LARS2: variants seen among roughly 807,000 people sequenced by gnomAD.
The protein encoded by LARS2 is leucyl-tRNA synthetase 2, mitochondrial.
In LARS2, 81 loss-of-function variants were observed where a neutral mutation model predicts 116.6. The ratio of observed to expected loss-of-function variants is 0.69; its 90% CI spans 0.58 to 0.84. The LOEUF (loss-of-function observed/expected upper bound fraction) is 0.84, where lower values mean the gene tolerates loss of function less well. Ranked by LOEUF, LARS2 falls within the 40% of genes least tolerant of loss-of-function variation. The probability of loss-of-function intolerance (pLI) is 0.00; values close to 1 mark genes in which losing one functional copy is unlikely to be tolerated. For synonymous variants in LARS2, 396 were observed against 407.2 expected (o/e 0.97, Z 0.33); for missense variants, 968 against 1,114.5 (o/e 0.87, Z 1.87).
At chr3:45,408,662 G>C (rs1698274423) in intron 4 of LARS2, among the ~76,000 whole-genome samples, 1 of 152,200 alleles carries the variant, frequency 6.6e-6, no homozygotes, top group Non-Finnish European at 1.5e-5. Flanking sequence ...CATCTGGGCA[G>C]TCCAGCCTGT....
intron 6 of LARS2, among the ~76,000 whole-genome samples, chr3:45,435,973 C>T (rs888858952): frequency 7.9e-5 from 12 of 152,168 alleles, no homozygotes; most frequent in African/African-American, 2.9e-4. Context: ...CTGTGCTTTC[C>T]TAACCCTTCT....
At chr3:45,484,630 A>ATATATGTATAT (rs1313520791) in intron 10 of LARS2, among the ~76,000 whole-genome samples, 1 of 9,738 alleles carries the variant, frequency 1.0e-4, no homozygotes. Flanking sequence ...AAAAAAAAAA[A>ATATATGTATAT]ATATATATAT....
intron 4 of LARS2, among the ~76,000 whole-genome samples, chr3:45,412,746 GC>G (rs1575236821): frequency 6.6e-6 from 1 of 152,304 alleles, no homozygotes; most frequent in East Asian, 1.9e-4. Flanking sequence ...CTCCCCTGGG[GC>G]AACAGCAAGC....
intron 6 of LARS2, among the ~76,000 whole-genome samples, chr3:45,431,316 T>C (rs1698709625): frequency 6.6e-6 from 1 of 152,248 alleles, no homozygotes; most frequent in Non-Finnish European, 1.5e-5. Context: ...CGCTTGTACC[T>C]CTACTTTTTG....
chr3:45,406,250 G>A (rs1404785766), intron 4 of LARS2, among the ~76,000 whole-genome samples: 2 of 152,156 alleles, frequency 1.3e-5, no homozygotes, highest in Admixed American at 6.5e-5. Context: ...ATTTCTCTGT[G>A]TGTCCATGAT....
intron 7 of LARS2, among the ~76,000 whole-genome samples, chr3:45,456,588 AAAG>A (rs1049664712): frequency 5.9e-5 from 9 of 152,340 alleles, no homozygotes; most frequent in African/African-American, 2.2e-4. Context: ...GTCTCAAAAA[AAAG>A]AAGAAATAAT....
At chr3:45,474,578 A>T (rs1408267642) in intron 9 of LARS2, among the ~76,000 whole-genome samples, 1 of 152,208 alleles carries the variant, frequency 6.6e-6, no homozygotes, top group East Asian at 1.9e-4. Flanking sequence ...CCATTTAAAG[A>T]TGGGCTCAAT....
At chr3:45,489,940 T>C (rs554720000) in intron 12 of LARS2, among the ~76,000 whole-genome samples, 10 of 152,306 alleles carry the variant, frequency 6.6e-5, no homozygotes, top group East Asian at 1.9e-4. Flanking sequence ...TGGGAGGTGC[T>C]TACAGGTCCC....
chr3:45,415,784 G>A (rs1698403346), intron 4 of LARS2, among the ~76,000 whole-genome samples: 1 of 149,348 alleles, frequency 6.7e-6, no homozygotes, highest in African/African-American at 2.5e-5. Context: ...GGAGGTGGAG[G>A]TTACAGTGAG....
chr3:45,445,125 G>A (rs1389722150), intron 6 of LARS2, among the ~76,000 whole-genome samples: 10 of 152,098 alleles, frequency 6.6e-5, no homozygotes, highest in Admixed American at 6.6e-4. Context: ...TGAATTTTGT[G>A]GTGAAACCTA....
chr3:45,404,430 T>C (rs903875338), intron 4 of LARS2, among the ~76,000 whole-genome samples: 10 of 152,182 alleles, frequency 6.6e-5, no homozygotes, highest in African/African-American at 2.2e-4. Flanking sequence ...GAAAGTCTGT[T>C]GAGCTTCCTT....
chr3:45,467,963 T>C (rs961761759), intron 8 of LARS2, among the ~76,000 whole-genome samples: 1 of 151,996 alleles, frequency 6.6e-6, no homozygotes, highest in East Asian at 1.9e-4. Flanking sequence ...TGTTCACCTA[T>C]AGTATGCACC....
chr3:45,518,362 A>G (rs984553045), intron 18 of LARS2, among the ~76,000 whole-genome samples: 2 of 152,182 alleles, frequency 1.3e-5, no homozygotes, highest in African/African-American at 4.8e-5. Context: ...GCCACTTTCC[A>G]TGTTTCCACA....
chr3:45,544,016 G>T (rs142969431), intron 21 of LARS2, among the ~76,000 whole-genome samples: 2 of 152,182 alleles, frequency 1.3e-5, no homozygotes, highest in South Asian at 2.1e-4. Context: ...CTCCCTGCAG[G>T]TACACCCAGC....
At chr3:45,463,636 G>A (rs1235085470) in intron 8 of LARS2, among the ~76,000 whole-genome samples, 3 of 151,778 alleles carry the variant, frequency 2.0e-5, no homozygotes, top group Admixed American at 6.6e-5. Flanking sequence ...CTGTTAACCC[G>A]CAGTCTCTCC....
intron 4 of LARS2, among the ~76,000 whole-genome samples, chr3:45,416,849 C>T (rs1281560887): frequency 1.2e-4 from 18 of 151,986 alleles, no homozygotes; most frequent in African/African-American, 3.6e-4. Context: ...CCGATGCGGG[C>T]GGATCACGAG....
At chr3:45,488,621 G>T in intron 11 of LARS2, 76 bp from the exon 12 acceptor site, 1 of 834,102 alleles carries the variant, frequency 1.2e-6, no homozygotes, top group East Asian at 2.5e-5. Context: ...GCTAAACCTG[G>T]GTGTCAGTAC....
Position 45,488,863 on chromosome 3 carries a change from A to G in LARS2, c.1239+51A>G, listed in dbSNP as rs139705937. The G allele has an allele frequency of 4.8e-4, 564 of 1,177,690 alleles. 1 individual carries two copies. The African/African-American group carries it at 7.4e-3, about 15-fold the overall frequency. The allele number at this position is 1,177,690 out of a possible 1,614,324, so 73.0% of individuals were successfully genotyped here. The stretch of plus-strand genomic sequence containing the variant: ...GAATGATCACCTTGATACGACTTTG[A>G]TAGACATTTTCCTTCAGGTGCAAAT... On this transcript the variant is annotated intron_variant, in intron 12 of 21. Transcript: ENST00000645846.
At chr3:45,542,228 C>A (rs1700809981) in intron 21 of LARS2, among the ~76,000 whole-genome samples, 3 of 152,216 alleles carry the variant, frequency 2.0e-5, no homozygotes, top group African/African-American at 7.2e-5. Context: ...CCTGGCCCGC[C>A]TTACAGGTTC....
Sources: allele counts gnomAD v4.1 joint callset (sites outside exome capture counted in the v4.1 genomes callset), GRCh38; gene constraint gnomAD v4.1.1; transcripts MANE v1.5; gene names NCBI Gene and HGNC (gene_info 2026-07-23, HGNC 2026-07-21).